TEX11: variants seen among roughly 807,000 people sequenced by gnomAD.
TEX11 encodes the protein testis expressed 11.
TEX11 carries 7 observed loss-of-function variants against 84.4 expected under a neutral mutation model. The ratio of observed to expected loss-of-function variants is 0.08; its 90% CI spans 0.05 to 0.16. The LOEUF is 0.16. TEX11 is among the 10% of genes least tolerant of loss of function. The probability of loss-of-function intolerance (pLI) is 1.00; values close to 1 mark genes in which losing one functional copy is unlikely to be tolerated. For synonymous variants in TEX11, 264 were observed against 222.8 expected (o/e 1.18, Z -1.64); for missense variants, 551 against 660.5 (o/e 0.83, Z 1.82).
intron 17 of TEX11, among the ~76,000 whole-genome samples, chrX:70,641,045 T>C (rs1285557860): frequency 9.0e-6 from 1 of 110,690 alleles, no homozygotes; most frequent in Non-Finnish European, 1.9e-5. Flanking sequence ...GAGACACACA[T>C]AGGCTCAAAA....
intron 18 of TEX11, 129 bp from the exon 19 acceptor site, chrX:70,625,053 A>G: frequency 2.1e-6 from 1 of 482,677 alleles, no homozygotes. Context: ...CAAAAACGCT[A>G]CTGCAAGATG....
At chrX:70,863,838 T>C (rs1369534123) in intron 4 of TEX11, among the ~76,000 whole-genome samples, 1 of 111,511 alleles carries the variant, frequency 9.0e-6, no homozygotes, top group Non-Finnish European at 1.9e-5. Flanking sequence ...GATAAAAGGT[T>C]ACAGGAACTG....
intron 13 of TEX11, among the ~76,000 whole-genome samples, chrX:70,714,783 T>C (rs373071712): frequency 9.0e-6 from 1 of 111,705 alleles, no homozygotes; most frequent in Non-Finnish European, 1.9e-5. Context: ...GAGCATTTAG[T>C]CCATTTACAT....
intron 7 of TEX11, among the ~76,000 whole-genome samples, chrX:70,843,458 C>T (rs1447458300): frequency 1.8e-5 from 2 of 111,644 alleles, no homozygotes; most frequent in Non-Finnish European, 3.8e-5. Context: ...AAAATTAATT[C>T]AAGATGGATT....
chrX:70,725,367 A>G, intron 11 of TEX11, 24 bp from the exon 12 acceptor site: 1 of 1,075,484 alleles, frequency 9.3e-7, no homozygotes, highest in Non-Finnish European at 1.3e-6. Flanking sequence ...AGAAATCACA[A>G]TGATATTAAA....
At chrX:70,602,206 C>T (rs2089129784) in intron 24 of TEX11, among the ~76,000 whole-genome samples, 1 of 111,560 alleles carries the variant, frequency 9.0e-6, no homozygotes, top group Non-Finnish European at 1.9e-5. Context: ...CGGCTGGAGG[C>T]CAGCATCATT....
chrX:70,569,117 T>A (rs1310930150), intron 25 of TEX11, among the ~76,000 whole-genome samples: 1 of 111,630 alleles, frequency 9.0e-6, no homozygotes, highest in Non-Finnish European at 1.9e-5. Flanking sequence ...TTTTATTCTT[T>A]CTTCTCTAAA....
Position 70,610,852 on chromosome X carries a change from T to C in TEX11, c.1752-309A>G, listed in dbSNP as rs1403251677. 9.8e-5 allele frequency among the ~76,000 whole-genome samples: 11 copies of C among 112,194 alleles called. No homozygotes were observed. In the South Asian group the frequency reaches 4.1e-3, roughly 42 times the overall value. On this transcript the variant is annotated intron_variant, in intron 20 of 29. Transcript: ENST00000374333. ...TGAGAGCAGCTGGTGATCTCTGTGATTTATAAGCTTTTTTGAAGGGGGGAA... is the reference window on the plus strand; with the variant it reads ...TGAGAGCAGCTGGTGATCTCTGTGACTTATAAGCTTTTTTGAAGGGGGGAA...
intron 3 of TEX11, among the ~76,000 whole-genome samples, chrX:70,874,392 T>C (rs2091644817): frequency 1.1e-5 from 1 of 90,345 alleles, no homozygotes; most frequent in Admixed American, 1.5e-4. Flanking sequence ...AAATGATGAC[T>C]TCCTTTTTTT....
chrX:70,885,344 C>T (rs1007640481), intron 2 of TEX11, among the ~76,000 whole-genome samples: 9 of 111,706 alleles, frequency 8.1e-5, no homozygotes, highest in Non-Finnish European at 7.5e-5. Context: ...ATATAATTTA[C>T]CTGACAGAGA....
chrX:70,750,915 G>T (rs2090812763), intron 9 of TEX11, among the ~76,000 whole-genome samples: 1 of 21,568 alleles, frequency 4.6e-5, no homozygotes, highest in African/African-American at 1.2e-4. Context: ...AAAACTTAAA[G>T]TATAATAAAA....
chrX:70,731,010 C>T (rs960228977), intron 11 of TEX11, among the ~76,000 whole-genome samples: 3 of 111,752 alleles, frequency 2.7e-5, no homozygotes, highest in South Asian at 3.7e-4. Flanking sequence ...CACTCAAAAC[C>T]GCTCAACTAC....
intron 28 of TEX11, among the ~76,000 whole-genome samples, chrX:70,544,055 A>G (rs1382038333): frequency 8.9e-6 from 1 of 111,982 alleles, no homozygotes; most frequent in Non-Finnish European, 1.9e-5. Context: ...GGCACTAACC[A>G]TGAATAGAGC....
chrX:70,859,120 A>G (rs1300044878), intron 5 of TEX11, among the ~76,000 whole-genome samples: 1 of 111,222 alleles, frequency 9.0e-6, no homozygotes, highest in African/African-American at 3.3e-5. Context: ...AAGAGTGGCC[A>G]TGAGTTGATG....
intron 17 of TEX11, among the ~76,000 whole-genome samples, chrX:70,641,485 A>G (rs1455480841): frequency 3.6e-5 from 4 of 111,207 alleles, no homozygotes; most frequent in Non-Finnish European, 3.8e-5. Flanking sequence ...GCACCACACC[A>G]CACCTATTGC....
chrX:70,649,017 T>C (rs375922473), intron 17 of TEX11, among the ~76,000 whole-genome samples: 1 of 111,565 alleles, frequency 9.0e-6, no homozygotes, highest in African/African-American at 3.3e-5. Flanking sequence ...GGCTTCCAGC[T>C]TCATCCATGT....
In TEX11 at chrX:70,710,825, A is replaced by G. The variant is rs889321308; in HGVS notation, c.1004+11793T>C. ...TTTTATACTTTAAGTTTTAGGGTAC[A>G]TGTGCACATTGTGCAGGTTTGTTAC... On this transcript the variant is annotated intron_variant, in intron 13 of 29. Coordinates refer to ENST00000374333, the MANE Select transcript of TEX11 (RefSeq NM_031276.3). 3.6e-5 allele frequency among the ~76,000 whole-genome samples: 4 copies of G among 111,234 alleles called. No individual in the cohort carries two copies. In the Admixed American group the frequency reaches 3.8e-4, roughly 11 times the overall value.
intron 15 of TEX11, among the ~76,000 whole-genome samples, chrX:70,671,880 G>GATATATAT (rs67645855): frequency 1.2e-4 from 8 of 66,330 alleles, no homozygotes; most frequent in African/African-American, 2.7e-4. Context: ...CAATTGTTTT[G>GATATATAT]ATATATATAT....
intron 12 of TEX11, among the ~76,000 whole-genome samples, chrX:70,723,670 A>C: frequency 8.9e-6 from 1 of 111,739 alleles, no homozygotes; most frequent in Admixed American, 9.6e-5. Flanking sequence ...GCTGTCAAGG[A>C]GCTTCTAGTG....
Sources: gnomAD v4.1 joint callset for allele counts (sites outside exome capture counted in the v4.1 genomes callset) on GRCh38, gnomAD v4.1.1 for gene constraint, MANE v1.5 for transcripts, NCBI Gene and HGNC (gene_info 2026-07-23, HGNC 2026-07-21) for gene names.